MAF: variants seen among roughly 807,000 people sequenced by gnomAD.
MAF encodes the protein transcription factor Maf.
MAF carries 10 observed loss-of-function variants against 22.0 expected under a neutral mutation model. The ratio of observed to expected loss-of-function variants is 0.45; its 90% CI spans 0.28 to 0.77. MAF has a LOEUF of 0.77. Among genes scored for constraint, MAF ranks in the 30% least tolerant of loss-of-function variants. The pLI is 0.12. For synonymous variants in MAF, 337 were observed against 255.8 expected (o/e 1.32, Z -3.03); for missense variants, 544 against 548.4 (o/e 0.99, Z 0.08).
the MAF span, among the ~76,000 whole-genome samples, chr16:79,376,580 G>A: frequency 6.6e-6 from 1 of 151,928 alleles, no homozygotes; most frequent in Non-Finnish European, 1.5e-5. Context: ...ACGACGTGCA[G>A]GTTTGTTACA....
At chr16:79,423,868 T>C in the MAF span, among the ~76,000 whole-genome samples, 1 of 152,220 alleles carries the variant, frequency 6.6e-6, no homozygotes, top group East Asian at 1.9e-4. Flanking sequence ...ATTAAATTCT[T>C]AGATAGATGC....
chr16:79,545,527 A>G, the MAF span, among the ~76,000 whole-genome samples: 6 of 17,062 alleles, frequency 3.5e-4, no homozygotes, highest in South Asian at 0.017. Flanking sequence ...AGCCATTGGA[A>G]AAAAAAAAAA....
At chr16:79,382,359 T>C in the MAF span, among the ~76,000 whole-genome samples, 1 of 152,214 alleles carries the variant, frequency 6.6e-6, no homozygotes, top group African/African-American at 2.4e-5. Context: ...AGGTTTTATA[T>C]CAGATCTGTC....
the MAF span, among the ~76,000 whole-genome samples, chr16:79,392,709 C>T: frequency 2.6e-5 from 4 of 152,136 alleles, no homozygotes; most frequent in African/African-American, 9.7e-5. Flanking sequence ...ACATGTGAAA[C>T]TCAGCCCACA....
chr16:79,309,028 G>T, the MAF span, among the ~76,000 whole-genome samples: 3 of 152,154 alleles, frequency 2.0e-5, no homozygotes, highest in Non-Finnish European at 2.9e-5. Flanking sequence ...ATGCAACCTG[G>T]GTGATATGAA....
the MAF span, among the ~76,000 whole-genome samples, chr16:79,279,695 T>C: frequency 3.3e-5 from 5 of 152,184 alleles, no homozygotes; most frequent in Admixed American, 2.0e-4. Context: ...TAATGGCATA[T>C]GTTGCCTCGC....
the MAF span, among the ~76,000 whole-genome samples, chr16:79,557,175 T>A: frequency 0.019 from 2,896 of 151,040 alleles, 124 homozygotes; most frequent in African/African-American, 0.066. Flanking sequence ...TAGTTTTTTT[T>A]ATTCAATTCC....
chr16:79,208,195 G>A, the MAF span, among the ~76,000 whole-genome samples: 1 of 152,168 alleles, frequency 6.6e-6, no homozygotes, highest in African/African-American at 2.4e-5. Flanking sequence ...GCTCACAAAT[G>A]TTTGACTAGA....
chr16:79,562,182 C>G, the MAF span, among the ~76,000 whole-genome samples: 1 of 152,096 alleles, frequency 6.6e-6, no homozygotes, highest in African/African-American at 2.4e-5. Context: ...ATATTCAGAC[C>G]ACGTCTAGTC....
chr16:79,219,920 G>T, the MAF span, among the ~76,000 whole-genome samples: 1 of 152,052 alleles, frequency 6.6e-6, no homozygotes, highest in South Asian at 2.1e-4. Context: ...TTGTATCATC[G>T]TATTTAAATA....
chr16:79,595,252 T>C lies in MAF; in HGVS notation c.1119-699A>G, dbSNP rs1331443169. The C allele has an allele frequency of 2.3e-5, 24 of 1,046,040 alleles. No homozygotes were observed. In the South Asian group the frequency reaches 7.8e-4, roughly 34 times the overall value. 64.8% of individuals were successfully genotyped at this position (1,046,040 alleles called of 1,614,324 possible). On this transcript the variant is annotated intron_variant, in intron 1 of 1. Coordinates refer to ENST00000326043, the MANE Select transcript of MAF (RefSeq NM_005360.5). ...TGTGGATTCAGGAGCCTGTCTAAAC[T>C]AGCACATAAAGGAAGGTCAAAATGT...
chr16:79,487,297 TG>T, the MAF span, among the ~76,000 whole-genome samples: 2 of 151,788 alleles, frequency 1.3e-5, no homozygotes, highest in Non-Finnish European at 2.9e-5. Flanking sequence ...GTCAGAGTAG[TG>T]GTTTTTTAAG....
At chr16:79,594,753 TC>T in intron 1 of MAF, 200 bp from the exon 2 acceptor site, 3 of 1,371,768 alleles carry the variant, frequency 2.2e-6, no homozygotes, top group Non-Finnish European at 2.8e-6. Flanking sequence ...CCACTATACT[TC>T]AAAGTTTTCA....
At chr16:79,249,737 C>A in the MAF span, among the ~76,000 whole-genome samples, 1 of 152,038 alleles carries the variant, frequency 6.6e-6, no homozygotes, top group Non-Finnish European at 1.5e-5. Context: ...CCTGGCTGTT[C>A]CCCGCTCCCT....
At chr16:79,239,633 C>G in the MAF span, among the ~76,000 whole-genome samples, 1 of 152,022 alleles carries the variant, frequency 6.6e-6, no homozygotes, top group Admixed American at 6.6e-5. Context: ...CTAATGGTTT[C>G]TTTCCTAGCA....
chr16:79,240,383 A>C, the MAF span, among the ~76,000 whole-genome samples: 1 of 150,272 alleles, frequency 6.7e-6, no homozygotes, highest in Non-Finnish European at 1.5e-5. Context: ...AAGCCCTACA[A>C]CACTTCAACT....
chr16:79,433,052 C>T, the MAF span, among the ~76,000 whole-genome samples: 1 of 152,094 alleles, frequency 6.6e-6, no homozygotes, highest in South Asian at 2.1e-4. Flanking sequence ...GACTAAACCC[C>T]ACAGCACGTC....
At chr16:79,492,706 T>C in the MAF span, among the ~76,000 whole-genome samples, 1 of 152,100 alleles carries the variant, frequency 6.6e-6, no homozygotes, top group Non-Finnish European at 1.5e-5. Flanking sequence ...AAAAAACAAC[T>C]ATTGCTATAT....
At chr16:79,263,439 C>G in the MAF span, among the ~76,000 whole-genome samples, 4 of 152,150 alleles carry the variant, frequency 2.6e-5, no homozygotes, top group Admixed American at 6.5e-5. Flanking sequence ...CTATAAAAAT[C>G]CAAGAGTATT....
Sources: allele counts gnomAD v4.1 joint callset (sites outside exome capture counted in the v4.1 genomes callset), GRCh38; gene constraint gnomAD v4.1.1; transcripts MANE v1.5; gene names NCBI Gene and HGNC (gene_info 2026-07-23, HGNC 2026-07-21).